PRKN: variants seen among roughly 807,000 people sequenced by gnomAD.
PRKN encodes the protein parkin RBR E3 ubiquitin protein ligase.
Under a neutral mutation model 59.5 loss-of-function variants are expected in PRKN, and 56 were observed. That is an observed-to-expected ratio of 0.94 (90% CI 0.76 to 1.18). The LOEUF is 1.18. Ranked by LOEUF, PRKN falls within the 50% of genes most tolerant of loss-of-function variation. PRKN has a pLI of 0.00. For synonymous variants in PRKN, 250 were observed against 222.1 expected, an observed-to-expected ratio of 1.13 and a Z score of -1.12; for missense variants, 657 against 596.4, an observed-to-expected ratio of 1.10 and a Z score of -1.06.
At chr6:162,283,179 A>C (rs1780997175) in intron 2 of PRKN, among the ~76,000 whole-genome samples, 1 of 152,094 alleles carries the variant, frequency 6.6e-6, no homozygotes, top group Non-Finnish European at 1.5e-5. Flanking sequence ...CATTTTACAC[A>C]CAGTTATTTA....
At chr6:162,616,514 G>A (rs1434772834) in intron 1 of PRKN, among the ~76,000 whole-genome samples, 1 of 151,990 alleles carries the variant, frequency 6.6e-6, no homozygotes, top group African/African-American at 2.4e-5. Flanking sequence ...ATTGTTGCAT[G>A]ACACTCTATA....
At chr6:161,849,718 A>T (rs1441944992) in intron 6 of PRKN, among the ~76,000 whole-genome samples, 4 of 152,212 alleles carry the variant, frequency 2.6e-5, no homozygotes. Flanking sequence ...AACAGAATTC[A>T]ATTCGAATTT....
At chr6:161,753,336 G>A (rs1268533614) in intron 7 of PRKN, among the ~76,000 whole-genome samples, 2 of 152,092 alleles carry the variant, frequency 1.3e-5, no homozygotes, top group African/African-American at 2.4e-5. Context: ...TAGTAAGCAC[G>A]CAGTGAGGAT....
At chr6:162,693,331 G>A (rs1435460066) in intron 1 of PRKN, among the ~76,000 whole-genome samples, 3 of 152,152 alleles carry the variant, frequency 2.0e-5, no homozygotes, top group East Asian at 3.9e-4. Flanking sequence ...AGATGGGATC[G>A]TGACCTACCC....
chr6:161,477,144 T>C (rs13202614), intron 9 of PRKN, among the ~76,000 whole-genome samples: 18,434 of 152,254 alleles, frequency 0.12, 1,163 homozygotes, highest in South Asian at 0.16. Flanking sequence ...TTTGAAAAGA[T>C]ATTTGGCTTT....
intron 2 of PRKN, among the ~76,000 whole-genome samples, chr6:162,320,938 C>T (rs1387329784): frequency 6.6e-6 from 1 of 151,556 alleles, no homozygotes; most frequent in Non-Finnish European, 1.5e-5. Flanking sequence ...AAAAAGTTTC[C>T]AATTGTCTTC....
chr6:161,497,935 T>C lies in PRKN; in HGVS notation c.1083+50919A>G, dbSNP rs571813423. Among the ~76,000 whole-genome samples the C allele has an allele frequency of 6.6e-6, 1 of 152,216 alleles. No individual in the cohort carries two copies. Among genetic ancestry groups the C allele is most frequent in the Non-Finnish European group, 1.5e-5 (1 of 68,042 alleles). ...AATACTTTAATATATTTAGTTCAAA[T>C]TGCATGATGGTAATTATGCTTCTAA... On this transcript the variant is annotated intron_variant, in intron 9 of 11. Transcript: ENST00000366898. The surrounding 1 kb of genome is among the most constrained non-coding windows in gnomAD (Gnocchi z 4.6).
At chr6:161,567,195 T>G (rs1027730334) in intron 8 of PRKN, among the ~76,000 whole-genome samples, 4 of 151,972 alleles carry the variant, frequency 2.6e-5, no homozygotes, top group African/African-American at 7.3e-5. Context: ...TGCACCACCA[T>G]GCCTGGCTAA....
intron 7 of PRKN, among the ~76,000 whole-genome samples, chr6:161,583,680 A>G (rs1224033679): frequency 6.6e-6 from 1 of 152,188 alleles, no homozygotes; most frequent in Admixed American, 6.5e-5. Flanking sequence ...CCCTTACATC[A>G]ATACACATAG....
At chr6:161,979,569 C>T (rs1343975922) in intron 5 of PRKN, among the ~76,000 whole-genome samples, 2 of 152,280 alleles carry the variant, frequency 1.3e-5, no homozygotes, top group South Asian at 2.1e-4. Flanking sequence ...CCACTGCGCC[C>T]GGACCGTTTT....
chr6:162,477,319 G>A (rs1373458728), intron 1 of PRKN, among the ~76,000 whole-genome samples: 1 of 152,112 alleles, frequency 6.6e-6, no homozygotes, highest in East Asian at 1.9e-4. Context: ...AGCTGTTCTT[G>A]CTCACAGTGA....
intron 9 of PRKN, among the ~76,000 whole-genome samples, chr6:161,540,776 C>T (rs1779588586): frequency 6.6e-6 from 1 of 152,220 alleles, no homozygotes; most frequent in Non-Finnish European, 1.5e-5. Flanking sequence ...TCAAGCAATA[C>T]ATCTTTGCAT....
intron 6 of PRKN, among the ~76,000 whole-genome samples, chr6:161,903,689 G>A (rs1478431979): frequency 2.6e-5 from 4 of 152,046 alleles, no homozygotes; most frequent in Non-Finnish European, 5.9e-5. Context: ...AAGGGCTGAT[G>A]AATATTTTGC....
intron 2 of PRKN, among the ~76,000 whole-genome samples, chr6:162,336,533 T>C (rs1247090918): frequency 2.0e-5 from 3 of 152,170 alleles, no homozygotes; most frequent in African/African-American, 4.8e-5. Context: ...AATAAAAGTA[T>C]GTGTCAAAAA....
In PRKN at chr6:161,350,187, G is replaced by A. The variant is rs149953814; in HGVS notation, c.1310C>T (p.Pro437Leu). Residue 437 changes from proline to leucine, a missense_variant, in exon 12 of 12, where the codon CCG becomes CTG. Pro to Leu is a moderately conservative substitution (Grantham distance 98). Transcript: ENST00000366898. ...CCACTCGAGCCTGCACTGGGGCTGCGGACACTTCATGTGCATGCAGCCTCC... is the reference window on the plus strand; with the variant it reads ...CCACTCGAGCCTGCACTGGGGCTGCAGACACTTCATGTGCATGCAGCCTCC... ...KNGGCMHMKC[P>L]QPQCRLEWCW... 4,415 of 1,613,282 alleles carry A rather than the reference G, an allele frequency of 2.7e-3. 9 individuals carry two copies. The highest frequency in any genetic ancestry group is 3.4e-3 in the Non-Finnish European group (3,971 of 1,179,684).
intron 2 of PRKN, among the ~76,000 whole-genome samples, chr6:162,430,584 C>CATAT (rs147788688): frequency 0.26 from 39,422 of 149,802 alleles, 5,285 homozygotes; most frequent in East Asian, 0.51. Context: ...AACTGGCTTA[C>CATAT]ATATATATAT....
intron 4 of PRKN, among the ~76,000 whole-genome samples, chr6:162,115,072 A>T (rs982530263): frequency 6.6e-6 from 1 of 152,102 alleles, no homozygotes; most frequent in Non-Finnish European, 1.5e-5. Flanking sequence ...ATTATTCACA[A>T]TAGCAAAAAC....
chr6:161,809,858 T>C (rs796733530), intron 6 of PRKN, among the ~76,000 whole-genome samples: 2 of 152,346 alleles, frequency 1.3e-5, no homozygotes, highest in African/African-American at 4.8e-5. Flanking sequence ...AATTATTAAG[T>C]AGCTAATCTA....
intron 5 of PRKN, among the ~76,000 whole-genome samples, chr6:162,020,270 G>C (rs1249228857): frequency 2.8e-5 from 4 of 143,762 alleles, no homozygotes; most frequent in Non-Finnish European, 4.5e-5. Context: ...ATAGAATATA[G>C]GGAGAGCTTG....
Sources: allele counts gnomAD v4.1 joint callset (sites outside exome capture counted in the v4.1 genomes callset), GRCh38; gene constraint gnomAD v4.1.1; non-coding constraint Gnocchi (gnomAD v3.1); transcripts MANE v1.5; gene names NCBI Gene and HGNC (gene_info 2026-07-23, HGNC 2026-07-21).